Variants in LOC128125817 observed in about 807,000 individuals in gnomAD.
chr1:41,623,242 C>T, the LOC128125817 span, among the ~76,000 whole-genome samples: 7 of 152,162 alleles, frequency 4.6e-5, no homozygotes, highest in Admixed American at 6.5e-5. Flanking sequence ...TTTGGAGAAG[C>T]GACACGAGAA....
the LOC128125817 span, among the ~76,000 whole-genome samples, chr1:41,594,218 T>C: frequency 6.6e-6 from 1 of 152,224 alleles, no homozygotes; most frequent in African/African-American, 2.4e-5. Flanking sequence ...GTTTCAGTTA[T>C]AATTATTTTA....
the LOC128125817 span, among the ~76,000 whole-genome samples, chr1:41,598,312 T>C: frequency 6.6e-6 from 1 of 152,194 alleles, no homozygotes; most frequent in African/African-American, 2.4e-5. Context: ...TCTATACACG[T>C]GACTGTGGCA....
chr1:41,618,356 C>T, the LOC128125817 span, among the ~76,000 whole-genome samples: 2 of 152,228 alleles, frequency 1.3e-5, no homozygotes, highest in South Asian at 4.1e-4. Flanking sequence ...TAAGCATGTC[C>T]ATCTGAAAAT....
the LOC128125817 span, among the ~76,000 whole-genome samples, chr1:41,612,600 A>T: frequency 6.6e-6 from 1 of 152,210 alleles, no homozygotes; most frequent in East Asian, 1.9e-4. Context: ...CAGGACTCTG[A>T]TTCTCCGTCC....
At chr1:41,599,914 A>G in the LOC128125817 span, among the ~76,000 whole-genome samples, 1 of 152,238 alleles carries the variant, frequency 6.6e-6, no homozygotes, top group Non-Finnish European at 1.5e-5. Flanking sequence ...AAGGACTTGA[A>G]GAGACGTTTC....
the LOC128125817 span, among the ~76,000 whole-genome samples, chr1:41,621,817 C>A: frequency 4.3e-4 from 65 of 152,308 alleles, no homozygotes; most frequent in African/African-American, 1.4e-3. Context: ...CAGGCCTGGT[C>A]AGCCCTGCTC....
the LOC128125817 span, among the ~76,000 whole-genome samples, chr1:41,612,277 CT>C: frequency 5.9e-4 from 90 of 152,332 alleles, no homozygotes; most frequent in Non-Finnish European, 1.0e-3. Flanking sequence ...CTGCCTTCCC[CT>C]GGCCGGTGTT....
the LOC128125817 span, among the ~76,000 whole-genome samples, chr1:41,588,703 G>A: frequency 6.6e-6 from 1 of 152,170 alleles, no homozygotes; most frequent in Non-Finnish European, 1.5e-5. Context: ...AAGGCCACAG[G>A]AGCACCGTTG....
chr1:41,592,427 G>C, the LOC128125817 span, among the ~76,000 whole-genome samples: 2 of 152,160 alleles, frequency 1.3e-5, no homozygotes, highest in Non-Finnish European at 2.9e-5. Context: ...AAAAATACTG[G>C]CCACATTTCC....
the LOC128125817 span, among the ~76,000 whole-genome samples, chr1:41,596,748 C>G: frequency 1.3e-5 from 2 of 152,182 alleles, no homozygotes; most frequent in African/African-American, 4.8e-5. Context: ...AAGGCAAAGG[C>G]AGGATTTGAA....
At chr1:41,626,712 A>T in the LOC128125817 span, among the ~76,000 whole-genome samples, 2 of 152,178 alleles carry the variant, frequency 1.3e-5, no homozygotes, top group Non-Finnish European at 2.9e-5. Flanking sequence ...GAAGGAAACA[A>T]GTGCTAAGTT....
the LOC128125817 span, among the ~76,000 whole-genome samples, chr1:41,590,114 CT>C: frequency 6.6e-6 from 1 of 152,148 alleles, no homozygotes; most frequent in Non-Finnish European, 1.5e-5. Context: ...CAAAAAAATA[CT>C]AAAAGTGGCT....
At chr1:41,625,237 A>C in the LOC128125817 span, among the ~76,000 whole-genome samples, 1 of 33,084 alleles carries the variant, frequency 3.0e-5, no homozygotes, top group African/African-American at 3.4e-4. Context: ...AACAAGAAAG[A>C]AAAAGGAATA....
the LOC128125817 span, among the ~76,000 whole-genome samples, chr1:41,609,345 G>T: frequency 6.6e-6 from 1 of 152,216 alleles, no homozygotes; most frequent in African/African-American, 2.4e-5. Context: ...CTGAGGGTAG[G>T]AACAGCCAGC....
At chr1:41,606,606 C>A in the LOC128125817 span, among the ~76,000 whole-genome samples, 3 of 151,894 alleles carry the variant, frequency 2.0e-5, no homozygotes, top group African/African-American at 7.3e-5. Flanking sequence ...TCTTCTTGAA[C>A]CTCATTTAAT....
At chr1:41,616,504 A>G in the LOC128125817 span, among the ~76,000 whole-genome samples, 2 of 151,290 alleles carry the variant, frequency 1.3e-5, no homozygotes, top group African/African-American at 4.9e-5. Context: ...CTCCCATTTG[A>G]GACTCCAGCC....
the LOC128125817 span, among the ~76,000 whole-genome samples, chr1:41,586,009 T>C: frequency 2.0e-5 from 3 of 152,220 alleles, no homozygotes; most frequent in African/African-American, 7.2e-5. Context: ...TGCAAACTAC[T>C]GCCACAGCCT....
the LOC128125817 span, among the ~76,000 whole-genome samples, chr1:41,621,315 G>A: frequency 6.6e-6 from 1 of 152,240 alleles, no homozygotes; most frequent in Non-Finnish European, 1.5e-5. Flanking sequence ...GGGAGGGTAT[G>A]TGGACACACA....
At chr1:41,628,354 A>G in the LOC128125817 span, among the ~76,000 whole-genome samples, 89,153 of 152,076 alleles carry the variant, frequency 0.59, 27,581 homozygotes, top group African/African-American at 0.79. Flanking sequence ...ACCATTATGT[A>G]GGAGAAGAGG....
Sources: gnomAD v4.1 joint callset for allele counts (sites outside exome capture counted in the v4.1 genomes callset) on GRCh38, gnomAD v4.1.1 for gene constraint, MANE v1.5 for transcripts.